The following ACP7 variants were observed in gnomAD, a reference collection of about 807,000 sequenced individuals.
ACP7 encodes the protein acid phosphatase 7, tartrate resistant (putative), also known as acid phosphatase type 7.
A neutral mutation model predicts 60.6 loss-of-function variants in ACP7; 58 were observed. The ratio of observed to expected loss-of-function variants is 0.96; its 90% CI spans 0.77 to 1.19. The LOEUF is 1.19. ACP7 is among the 50% of genes most tolerant of loss of function. The probability of loss-of-function intolerance (pLI) is 0.00; values close to 1 mark genes in which losing one functional copy is unlikely to be tolerated. For missense variants in ACP7, 574 were observed against 596.2 expected, an observed-to-expected ratio of 0.96 and a Z score of 0.39; for synonymous variants, 237 against 232.6, an observed-to-expected ratio of 1.02 and a Z score of -0.17.
chr19:39,089,513 C>T (rs960518431), intron 2 of ACP7, among the ~76,000 whole-genome samples: 1 of 152,160 alleles, frequency 6.6e-6, no homozygotes, highest in Admixed American at 6.6e-5. Context: ...ACTGAGAAAT[C>T]AAGATTGGTA....
intron 2 of ACP7, among the ~76,000 whole-genome samples, chr19:39,088,676 C>T (rs538160639): frequency 1.5e-4 from 23 of 152,306 alleles, no homozygotes; most frequent in Non-Finnish European, 3.2e-4. Context: ...TTCACACAGC[C>T]TGGGAATCTG....
chr19:39,105,262 G>A (rs2073399174), intron 11 of ACP7, among the ~76,000 whole-genome samples: 2 of 151,954 alleles, frequency 1.3e-5, no homozygotes, highest in South Asian at 2.1e-4. Context: ...TGATCTGCCC[G>A]CCTCGGCCTC....
At chr19:39,102,713 ACTTTTCTTTCTTT>A (rs1298497856) in intron 11 of ACP7, among the ~76,000 whole-genome samples, 29 of 47,928 alleles carry the variant, frequency 6.1e-4, no homozygotes, top group South Asian at 9.4e-4. Flanking sequence ...TCCAATGAAG[ACTTTTCTTTCTTT>A]CTTTCTTTCT....
intron 12 of ACP7, 73 bp downstream of exon 12, chr19:39,107,157 G>C (rs573875): frequency 6.9e-7 from 1 of 1,450,328 alleles, no homozygotes; most frequent in Non-Finnish European, 9.2e-7. Context: ...TGTTAAAAAC[G>C]TGGGCTCGGC....
At chr19:39,106,588 A>G (rs1431417654) in intron 11 of ACP7, among the ~76,000 whole-genome samples, 2 of 152,136 alleles carry the variant, frequency 1.3e-5, no homozygotes, top group Non-Finnish European at 2.9e-5. Context: ...CAGTGGCACA[A>G]TCTCGGCTCA....
At chr19:39,091,863 A>C (rs2073207994) in intron 2 of ACP7, among the ~76,000 whole-genome samples, 2 of 151,964 alleles carry the variant, frequency 1.3e-5, no homozygotes, top group African/African-American at 2.4e-5. Context: ...GTGAACCAAG[A>C]TCACACCACT....
intron 11 of ACP7, among the ~76,000 whole-genome samples, chr19:39,102,735 C>CTTTCTT (rs1555769444): frequency 1.9e-4 from 15 of 80,568 alleles, no homozygotes; most frequent in African/African-American, 2.7e-4. Context: ...TTCTTTCTTT[C>CTTTCTT]TTTCTTTCTT....
At chr19:39,106,754 C>T (rs1376958813) in intron 11 of ACP7, among the ~76,000 whole-genome samples, 193 bp from the exon 12 acceptor site, 3 of 152,158 alleles carry the variant, frequency 2.0e-5, no homozygotes, top group Non-Finnish European at 2.9e-5. Context: ...TGACTCCTGA[C>T]CTCAAGTGAT....
chr19:39,093,172 C>CTTTCTTTCTTTCTTTCCTTCCT lies in ACP7; in HGVS notation c.122-5285_122-5284insTTCTTTCTTTCTTTCCTTCCTT. On this transcript the variant is annotated intron_variant, in intron 2 of 12. Coordinates refer to ENST00000331256, the MANE Select transcript of ACP7 (RefSeq NM_001004318.3). ...TCTTTCTTTCTCTTTCTTTCTTTCT[C>CTTTCTTTCTTTCTTTCCTTCCT]TCCTTCCTTCCTTCCTTCTTTCTTT... Among the ~76,000 whole-genome samples the CTTTCTTTCTTTCTTTCCTTCCT allele has an allele frequency of 4.9e-4, 40 of 80,918 alleles. 9 individuals carry two copies. The highest frequency in any genetic ancestry group is 1.4e-3 in the African/African-American group (27 of 19,560). 53.1% of individuals were successfully genotyped at this position (80,918 alleles called of 152,430 possible).
chr19:39,104,060 C>A (rs1477699035), intron 11 of ACP7, among the ~76,000 whole-genome samples: 1 of 151,352 alleles, frequency 6.6e-6, no homozygotes, highest in African/African-American at 2.4e-5. Flanking sequence ...GGCAACATGA[C>A]AAAACCCTGT....
rs998604419 is a variant in ACP7 at position 39,110,423 on chromosome 19, A to T, written c.*305A>T. On this transcript the variant is annotated 3_prime_UTR_variant, in exon 13 of 13. Transcript: ENST00000331256. ...TCGGGCGAGGTGCCCACGGGGCTTC[A>T]GGAATGAAGAGGCTTAAGCTCTGGC... 3.1e-6 allele frequency: 1 copy of T among 327,272 alleles called. No homozygotes were observed. Among genetic ancestry groups the T allele is most frequent in the African/African-American group, 2.1e-5 (1 of 47,190 alleles). The allele number at this position is 327,272 out of a possible 1,614,324, so 20.3% of individuals were successfully genotyped here.
chr19:39,086,641 A>AAGGGGGG (rs1555766196), intron 2 of ACP7, among the ~76,000 whole-genome samples: 1 of 75,206 alleles, frequency 1.3e-5, no homozygotes, highest in Non-Finnish European at 2.9e-5. Flanking sequence ...AAAAAAAAAA[A>AAGGGGGG]GGGGGGGGGG....
chr19:39,102,751 C>CTT (rs1204537186), intron 11 of ACP7, among the ~76,000 whole-genome samples: 1 of 84,570 alleles, frequency 1.2e-5, no homozygotes, highest in Non-Finnish European at 2.5e-5. Flanking sequence ...TTCTTTCTTT[C>CTT]TTTCTTTCTT....
chr19:39,089,729 C>T (rs1430175741), intron 2 of ACP7, among the ~76,000 whole-genome samples: 4 of 152,200 alleles, frequency 2.6e-5, no homozygotes, highest in Admixed American at 2.6e-4. Flanking sequence ...CTATTTTGTA[C>T]AGTATCTCTC....
chr19:39,110,578 T>G lies in ACP7; in HGVS notation c.*460T>G, dbSNP rs946311420. The stretch of plus-strand genomic sequence containing the variant: ...ACCAGCAGGTGGCGTCAGGGGCTTT[T>G]TCTTCTGAGCCCGGCACTGAGAGTT... On this transcript the variant is annotated 3_prime_UTR_variant, in exon 13 of 13. Transcript: ENST00000331256. 1 of 157,096 alleles carries G rather than the reference T, an allele frequency of 6.4e-6. No homozygotes were observed. The highest frequency in any genetic ancestry group is 2.4e-5 in the African/African-American group (1 of 41,516). 9.7% of individuals were successfully genotyped at this position (157,096 alleles called of 1,614,324 possible).
At chr19:39,102,715 T>C (rs1600269215) in intron 11 of ACP7, among the ~76,000 whole-genome samples, 1 of 118,616 alleles carries the variant, frequency 8.4e-6, no homozygotes, top group Non-Finnish European at 1.8e-5. Flanking sequence ...CAATGAAGAC[T>C]TTTCTTTCTT....
chr19:39,084,808 C>T (rs1210340494), intron 1 of ACP7, among the ~76,000 whole-genome samples: 1 of 152,042 alleles, frequency 6.6e-6, no homozygotes, highest in Non-Finnish European at 1.5e-5. Context: ...CCCAGACCCC[C>T]AGCACTGAGA....
intron 12 of ACP7, among the ~76,000 whole-genome samples, chr19:39,107,759 G>A (rs2073427533): frequency 6.6e-6 from 1 of 151,964 alleles, no homozygotes; most frequent in South Asian, 2.1e-4. Flanking sequence ...GGTGGCGGGT[G>A]CCTGTAATCC....
chr19:39,100,669 C>A lies in ACP7; in HGVS notation c.692+27C>A, dbSNP rs921652233. The stretch of plus-strand genomic sequence containing the variant: ...TAATGTGGGGGTGCTGGGGGACTGG[C>A]CCTCTCCCCTGAAGGATGGGAGATG... On this transcript the variant is annotated intron_variant, in intron 6 of 12. Transcript: ENST00000331256. 12 of 1,612,972 alleles carry A rather than the reference C, an allele frequency of 7.4e-6. No individual in the cohort carries two copies. In the Admixed American group the frequency reaches 1.2e-4, roughly 16 times the overall value.
Sources: gnomAD v4.1 joint callset for allele counts (sites outside exome capture counted in the v4.1 genomes callset) on GRCh38, gnomAD v4.1.1 for gene constraint, MANE v1.5 for transcripts, NCBI Gene and HGNC (gene_info 2026-07-23, HGNC 2026-07-21) for gene names.